Variants in OCA2 observed in about 807,000 individuals in gnomAD.
OCA2 encodes OCA2 melanosomal transmembrane protein.
In OCA2, 77 loss-of-function variants were observed where a neutral mutation model predicts 100.2. That is an observed-to-expected ratio of 0.77 (90% confidence interval 0.64 to 0.93). OCA2 has a LOEUF of 0.93. OCA2 is among the 40% of genes least tolerant of loss of function. OCA2 has a pLI of 0.00. For synonymous variants in OCA2, 432 were observed against 439.2 expected, an observed-to-expected ratio of 0.98 and a Z score of 0.21; for missense variants, 1,062 against 1,089.1, an observed-to-expected ratio of 0.98 and a Z score of 0.35.
the OCA2 span, among the ~76,000 whole-genome samples, chr15:27,739,555 C>T: frequency 7.3e-5 from 11 of 149,804 alleles, no homozygotes; most frequent in South Asian, 2.3e-3. Flanking sequence ...AAGTGATTCT[C>T]CTGCCTCAGC....
At chr15:27,895,998 A>G (rs2037672184) in intron 19 of OCA2, 1 of 894,872 alleles carries the variant, frequency 1.1e-6, no homozygotes, top group South Asian at 1.3e-5. Flanking sequence ...GCTGCGGTGT[A>G]TTGTACTGGC....
chr15:28,074,367 G>A (rs1359011098), intron 2 of OCA2, among the ~76,000 whole-genome samples: 2 of 151,702 alleles, frequency 1.3e-5, no homozygotes, highest in South Asian at 2.1e-4. Context: ...GTGAAACCCC[G>A]TCTCTACTAA....
intron 6 of OCA2, among the ~76,000 whole-genome samples, chr15:28,019,829 T>C (rs951571651): frequency 1.3e-5 from 2 of 152,156 alleles, no homozygotes; most frequent in African/African-American, 4.8e-5. Flanking sequence ...TCCAGCTGGC[T>C]TCCCCTCCTC....
chr15:27,969,319 C>T (rs897952396), intron 14 of OCA2, among the ~76,000 whole-genome samples: 3 of 152,028 alleles, frequency 2.0e-5, no homozygotes, highest in Admixed American at 6.6e-5. Context: ...ACTAGACTTG[C>T]GATGGGTGGA....
At chr15:27,810,133 T>C (rs558442892) in intron 23 of OCA2, among the ~76,000 whole-genome samples, 4 of 152,210 alleles carry the variant, frequency 2.6e-5, no homozygotes, top group Non-Finnish European at 5.9e-5. Context: ...TACAAGGCTA[T>C]AGTTACCAAC....
chr15:27,863,321 G>A (rs890956382), intron 21 of OCA2, among the ~76,000 whole-genome samples: 3 of 152,206 alleles, frequency 2.0e-5, no homozygotes, highest in Non-Finnish European at 2.9e-5. Context: ...GTAAGCACAG[G>A]GAAGGCTGCA....
Position 27,986,626 on chromosome 15 carries a change from T to C in OCA2, c.1200A>G (p.Ile400Met), listed in dbSNP as rs1295906290. ...AATCGAAAAATCCCGTTTCTGAAAA[T>C]ATGGCTACTAAGATCATCTATGGGG... is the stretch of plus-strand genomic sequence containing the variant. ...LLFGMMILVA[I>M]FSETGFFDYC... The change falls in exon 12 of 24, where the codon ATA becomes ATG. Residue 400 changes from isoleucine to methionine, a missense_variant. Transcript: ENST00000354638. 1.9e-6 allele frequency: 3 copies of C among 1,593,798 alleles called. No homozygotes were observed. The Admixed American group carries it at 5.0e-5, about 27-fold the overall frequency.
chr15:27,876,140 T>A (rs150529365), intron 19 of OCA2, among the ~76,000 whole-genome samples: 1 of 152,210 alleles, frequency 6.6e-6, no homozygotes, highest in East Asian at 1.9e-4. Flanking sequence ...TAAGGTTGGC[T>A]CTAGGTTTTT....
intron 18 of OCA2, among the ~76,000 whole-genome samples, chr15:27,946,322 C>T (rs1367306519): frequency 6.6e-6 from 1 of 152,158 alleles, no homozygotes; most frequent in Non-Finnish European, 1.5e-5. Flanking sequence ...TGAACTGTAA[C>T]CTAGCTTAAT....
intron 2 of OCA2, among the ~76,000 whole-genome samples, chr15:28,066,386 C>G (rs1018885974): frequency 1.3e-5 from 2 of 151,996 alleles, no homozygotes; most frequent in Non-Finnish European, 2.9e-5. Context: ...GAAACCTAAA[C>G]GATCAGTTCA....
In OCA2 at chr15:27,943,671, T is replaced by TAAA. The variant is rs66644405; in HGVS notation, c.1951+8110_1951+8112dup. Among the ~76,000 whole-genome samples the TAAA allele has an allele frequency of 3.7e-4, 43 of 114,878 alleles. 2 individuals are homozygous for TAAA. Among genetic ancestry groups the TAAA allele is most frequent in the East Asian group, 2.9e-3 (11 of 3,856 alleles). The allele number at this position is 114,878 out of a possible 152,430, so 75.4% of individuals were successfully genotyped here. ...GTGCCCTAAAACTTAAAGTATAATT[T>TAAA]AAAAAAAAAAAAAAAAAAAACCTTG... On this transcript the variant is annotated intron_variant, in intron 18 of 23. Transcript: ENST00000354638.
intron 19 of OCA2, among the ~76,000 whole-genome samples, chr15:27,912,476 G>A (rs1297265730): frequency 6.6e-6 from 1 of 152,112 alleles, no homozygotes; most frequent in Non-Finnish European, 1.5e-5. Context: ...GGACACCGAA[G>A]CTGCTCCCAG....
chr15:27,984,398 C>T (rs1490517974), intron 13 of OCA2, among the ~76,000 whole-genome samples: 1 of 152,120 alleles, frequency 6.6e-6, no homozygotes, highest in Non-Finnish European at 1.5e-5. Context: ...CACAGCATCC[C>T]CTACACCTGC....
intron 11 of OCA2, among the ~76,000 whole-genome samples, chr15:27,987,204 T>G (rs2041384030): frequency 6.6e-6 from 1 of 152,178 alleles, no homozygotes; most frequent in South Asian, 2.1e-4. Flanking sequence ...CTATCACCTG[T>G]TTCTTTCCAG....
At chr15:27,783,824 T>A (rs150546500) in intron 23 of OCA2, among the ~76,000 whole-genome samples, 1 of 152,228 alleles carries the variant, frequency 6.6e-6, no homozygotes, top group African/African-American at 2.4e-5. Context: ...GGGGTCAGCA[T>A]GTGCTGTCAG....
intron 23 of OCA2, among the ~76,000 whole-genome samples, chr15:27,771,084 C>G (rs1337000735): frequency 6.7e-6 from 1 of 150,146 alleles, no homozygotes; most frequent in Non-Finnish European, 1.5e-5. Flanking sequence ...TCCTCCCTCC[C>G]TCTTTTCTCC....
At chr15:27,854,033 G>A (rs78211154) in intron 21 of OCA2, among the ~76,000 whole-genome samples, 5,492 of 152,268 alleles carry the variant, frequency 0.036, 342 homozygotes, top group African/African-American at 0.13. Flanking sequence ...GCTCCTGACC[G>A]CTGCAGCAGG....
At position 28,081,707 on chromosome 15, in the gene OCA2, G is replaced by T; in HGVS notation, c.168C>A (p.Ala56=). The change falls in exon 2 of 24, where the codon GCC becomes GCA. Residue 56 remains alanine, a synonymous_variant. Coordinates refer to ENST00000354638, the MANE Select transcript of OCA2 (RefSeq NM_000275.3). The part of the protein sequence containing the change: ...DPSHSCPRGA[A]GQSSWAPAGQ... ...CTGCAGGAGCCCAAGAGCTCTGCCC[G>T]GCAGCCCCCCTGGGGCAGGAGTGCG... The T allele has an allele frequency of 6.2e-7, 1 of 1,613,802 alleles. No individual in the cohort carries two copies.
intron 23 of OCA2, among the ~76,000 whole-genome samples, chr15:27,784,755 T>C (rs1403538501): frequency 3.3e-5 from 5 of 152,002 alleles, no homozygotes; most frequent in African/African-American, 1.2e-4. Context: ...ATTAGTGAAC[T>C]TGAAAATAGA....
Sources: allele counts gnomAD v4.1 joint callset (sites outside exome capture counted in the v4.1 genomes callset), GRCh38; gene constraint gnomAD v4.1.1; transcripts MANE v1.5; gene names NCBI Gene and HGNC (gene_info 2026-07-23, HGNC 2026-07-21).